The following DLGAP1 variants were observed in gnomAD, a reference collection of about 807,000 sequenced individuals.
DLGAP1 encodes the protein DLG associated protein 1.
Under a neutral mutation model 90.8 loss-of-function variants are expected in DLGAP1, and 11 were observed. The ratio of observed to expected loss-of-function variants is 0.12; its 90% confidence interval spans 0.08 to 0.20. The LOEUF is 0.20. Ranked by LOEUF, DLGAP1 falls within the 10% of genes least tolerant of loss-of-function variation. DLGAP1 has a pLI of 1.00. For missense variants in DLGAP1, 1,050 were observed against 1,333.8 expected (o/e 0.79, Z 3.31); for synonymous variants, 558 against 540.7 (o/e 1.03, Z -0.44).
At chr18:3,845,596 C>A (rs2068961164) in intron 4 of DLGAP1, 1 of 985,304 alleles carries the variant, frequency 1.0e-6, no homozygotes, top group Admixed American at 6.1e-5. Flanking sequence ...CCAGCAAAAT[C>A]ATATTGCTAT....
intron 9 of DLGAP1, among the ~76,000 whole-genome samples, chr18:3,539,876 C>T (rs560190112): frequency 2.7e-4 from 41 of 151,680 alleles, no homozygotes; most frequent in Admixed American, 7.2e-4. Context: ...TGCTTAGCGT[C>T]TTTATCCCTC....
At chr18:4,314,529 C>G (rs1030375661) in intron 1 of DLGAP1, among the ~76,000 whole-genome samples, 1 of 152,160 alleles carries the variant, frequency 6.6e-6, no homozygotes, top group Non-Finnish European at 1.5e-5. Context: ...AATAAAATGA[C>G]AATTATATAA....
At position 3,526,733 on chromosome 18, in the gene DLGAP1, G is replaced by A. The variant is rs144965817; in HGVS notation, c.2479+7461C>T. On this transcript the variant is annotated intron_variant, in intron 10 of 12. Transcript: ENST00000315677. The surrounding 1 kb of genome is among the most constrained non-coding windows in gnomAD (Gnocchi z 4.7). The stretch of plus-strand genomic sequence containing the variant: ...CAGTGGTAGACTGCATTCCTAGTTG[G>A]AGGCATTCAGCTCCATCTGGTCGTT... Among the ~76,000 whole-genome samples the A allele has an allele frequency of 1.1e-3, 163 of 152,316 alleles. 4 individuals are homozygous for A. In the East Asian group the frequency reaches 0.028, roughly 26 times the overall value.
At chr18:4,358,515 T>C (rs529268372) in intron 1 of DLGAP1, among the ~76,000 whole-genome samples, 1 of 152,142 alleles carries the variant, frequency 6.6e-6, no homozygotes, top group Non-Finnish European at 1.5e-5. Flanking sequence ...GATGGAGAAG[T>C]AGACAATCCC....
chr18:3,883,803 A>G (rs1195834457), intron 3 of DLGAP1, among the ~76,000 whole-genome samples: 1 of 152,212 alleles, frequency 6.6e-6, no homozygotes, highest in African/African-American at 2.4e-5. Flanking sequence ...AGAGCAAGGC[A>G]GGAAGCAGAC....
At chr18:3,965,823 C>T (rs990039990) in intron 3 of DLGAP1, among the ~76,000 whole-genome samples, 1 of 150,910 alleles carries the variant, frequency 6.6e-6, no homozygotes, top group Non-Finnish European at 1.5e-5. Context: ...TGGCATGCAC[C>T]TGTAATCCCA....
At chr18:3,596,245 C>T (rs1323661268) in intron 7 of DLGAP1, among the ~76,000 whole-genome samples, 2 of 151,956 alleles carry the variant, frequency 1.3e-5, no homozygotes, top group Admixed American at 6.6e-5. Flanking sequence ...CTGCAACCTC[C>T]GCCTCCCAGG....
intron 1 of DLGAP1, among the ~76,000 whole-genome samples, chr18:4,250,646 A>C (rs759595656): frequency 3.9e-5 from 6 of 152,186 alleles, no homozygotes; most frequent in Non-Finnish European, 5.9e-5. Flanking sequence ...AAAGAACCAA[A>C]GCATCTTGAT....
intron 7 of DLGAP1, among the ~76,000 whole-genome samples, chr18:3,585,047 C>G (rs2055793079): frequency 6.6e-6 from 1 of 152,170 alleles, no homozygotes; most frequent in Non-Finnish European, 1.5e-5. Context: ...GCCACTATGC[C>G]ATGCCCGGCC....
intron 1 of DLGAP1, among the ~76,000 whole-genome samples, chr18:4,213,857 T>C (rs570267068): frequency 2.2e-4 from 34 of 152,026 alleles, no homozygotes; most frequent in Non-Finnish European, 2.2e-4. Context: ...AAAATTAACA[T>C]AGTAAGTGGT....
chr18:3,500,323 C>G (rs2049864046), intron 12 of DLGAP1, among the ~76,000 whole-genome samples: 1 of 151,958 alleles, frequency 6.6e-6, no homozygotes, highest in African/African-American at 2.4e-5. Flanking sequence ...GATTTTTAGG[C>G]AAAGAAGGTT....
At chr18:3,613,529 G>A (rs1262477189) in intron 7 of DLGAP1, among the ~76,000 whole-genome samples, 1 of 152,006 alleles carries the variant, frequency 6.6e-6, no homozygotes, top group Non-Finnish European at 1.5e-5. Context: ...GCAGAGATGG[G>A]GGTCTCCCTG....
At chr18:3,514,674 T>C (rs948964792) in intron 10 of DLGAP1, among the ~76,000 whole-genome samples, 1 of 152,164 alleles carries the variant, frequency 6.6e-6, no homozygotes, top group African/African-American at 2.4e-5. Context: ...CATATAAAAG[T>C]TATGTTTACA....
At chr18:4,262,447 G>A (rs62086527) in intron 1 of DLGAP1, among the ~76,000 whole-genome samples, 3,154 of 152,264 alleles carry the variant, frequency 0.021, 38 homozygotes, top group East Asian at 0.042. Context: ...CCCTTGCACC[G>A]TCAGGAATCA....
intron 1 of DLGAP1, among the ~76,000 whole-genome samples, chr18:4,349,965 ATTCTT>A (rs951053413): frequency 1.3e-5 from 2 of 152,172 alleles, no homozygotes; most frequent in Admixed American, 1.3e-4. Context: ...TATTGAATGT[ATTCTT>A]TTGTCTCAGT....
intron 4 of DLGAP1, among the ~76,000 whole-genome samples, chr18:3,833,436 G>A (rs1453253266): frequency 1.3e-5 from 2 of 151,988 alleles, no homozygotes; most frequent in Non-Finnish European, 2.9e-5. Flanking sequence ...GTTTTGCCAT[G>A]TTGCCCAGGC....
intron 1 of DLGAP1, among the ~76,000 whole-genome samples, chr18:4,448,711 T>G (rs976481152): frequency 6.6e-6 from 1 of 152,072 alleles, no homozygotes; most frequent in African/African-American, 2.4e-5. Flanking sequence ...CAGAAGCAGA[T>G]AGTAGAACAG....
chr18:3,972,182 A>G (rs1225284200), intron 3 of DLGAP1, among the ~76,000 whole-genome samples: 2 of 151,956 alleles, frequency 1.3e-5, no homozygotes, highest in Non-Finnish European at 2.9e-5. Context: ...TACCTCTTAT[A>G]AAAAATACAA....
chr18:4,051,336 G>A (rs2143080973), intron 2 of DLGAP1, among the ~76,000 whole-genome samples: 2 of 152,334 alleles, frequency 1.3e-5, no homozygotes, highest in South Asian at 4.2e-4. Context: ...TTGACTCATA[G>A]TTCAGCATGG....
Sources: gnomAD v4.1 joint callset for allele counts (sites outside exome capture counted in the v4.1 genomes callset) on GRCh38, gnomAD v4.1.1 for gene constraint, Gnocchi (gnomAD v3.1) non-coding constraint, MANE v1.5 for transcripts, NCBI Gene and HGNC (gene_info 2026-07-23, HGNC 2026-07-21) for gene names.